Variants in SLC9A4 observed in about 807,000 individuals in gnomAD.
The protein encoded by SLC9A4 is solute carrier family 9 member A4.
A neutral mutation model predicts 67.4 loss-of-function variants in SLC9A4; 63 were observed. That is an observed-to-expected ratio of 0.93 (90% CI 0.76 to 1.15). The LOEUF (loss-of-function observed/expected upper bound fraction) is 1.15, where lower values mean the gene tolerates loss of function less well. Among genes scored for constraint, SLC9A4 ranks in the 50% most tolerant of loss-of-function variants. The pLI, the probability that SLC9A4 is intolerant of heterozygous loss-of-function variation, is 0.00. For synonymous variants in SLC9A4, 393 were observed against 367.2 expected (o/e 1.07, Z -0.80); for missense variants, 1,089 against 987.7 (o/e 1.10, Z -1.38).
intron 6 of SLC9A4, 71 bp from the exon 7 acceptor site, chr2:102,512,132 T>A: frequency 6.5e-7 from 1 of 1,547,140 alleles, no homozygotes; most frequent in Non-Finnish European, 8.9e-7. Flanking sequence ...TTTTAAAGTG[T>A]CTTAGTTGTC....
chr2:102,515,810 C>G (rs2192758), intron 8 of SLC9A4, among the ~76,000 whole-genome samples: 120,941 of 152,038 alleles, frequency 0.8, 48,613 homozygotes, highest in African/African-American at 0.89. Flanking sequence ...TATGTGCCAG[C>G]CACCTTGAAG....
At chr2:102,481,120 C>T (rs774888046) in intron 2 of SLC9A4, among the ~76,000 whole-genome samples, 5 of 152,034 alleles carry the variant, frequency 3.3e-5, no homozygotes, top group Non-Finnish European at 5.9e-5. Flanking sequence ...CAGGGATCGG[C>T]GTGGGGAGGG....
intron 6 of SLC9A4, among the ~76,000 whole-genome samples, chr2:102,510,054 T>C (rs898647588): frequency 6.6e-6 from 1 of 152,128 alleles, no homozygotes; most frequent in Non-Finnish European, 1.5e-5. Flanking sequence ...CTGAGTAATT[T>C]TATCAGTCTA....
Position 102,512,238 on chromosome 2 carries a change from G to C in SLC9A4, c.1524G>C (p.Val508=). ...MDHLKAGIED[V]CGHWSHYQVR... ...ACTTAAAGGCTGGAATCGAAGATGTGTGTGGGCACTGGAGTCACTACCAAG... is the reference window on the plus strand; with the variant it reads ...ACTTAAAGGCTGGAATCGAAGATGTCTGTGGGCACTGGAGTCACTACCAAG... The change falls in exon 7 of 12, where the codon GTG becomes GTC. Residue 508 remains valine (V), a synonymous_variant. Coordinates refer to ENST00000295269, the MANE Select transcript of SLC9A4 (RefSeq NM_001011552.4). 1 of 1,614,092 alleles carries C rather than the reference G, an allele frequency of 6.2e-7. No individual in the cohort carries two copies. Among genetic ancestry groups the C allele is most frequent in the Admixed American group, 1.7e-5 (1 of 60,016 alleles).
At chr2:102,506,945 C>T (rs1471835807) in intron 4 of SLC9A4, among the ~76,000 whole-genome samples, 2 of 152,144 alleles carry the variant, frequency 1.3e-5, no homozygotes, top group Admixed American at 6.5e-5. Flanking sequence ...TCCGGTTCTC[C>T]CGCTCATAGC....
At chr2:102,486,845 C>T (rs1363927620) in intron 2 of SLC9A4, among the ~76,000 whole-genome samples, 1 of 152,210 alleles carries the variant, frequency 6.6e-6, no homozygotes, top group Admixed American at 6.5e-5. Flanking sequence ...GATAGGTCCA[C>T]ACAAGAACAA....
rs1685363407 is a variant in SLC9A4 at position 102,519,882 on chromosome 2, A to G, written c.1745A>G (p.Lys582Arg). ...AGGGCCCAGAGGATACAAGGAATCAAAAGACTTTCCCCTGAAGATGTGGAG... is the reference window on the plus strand; with the variant it reads ...AGGGCCCAGAGGATACAAGGAATCAGAAGACTTTCCCCTGAAGATGTGGAG... ...PHQAQRIQGI[K>R]RLSPEDVESI... Residue 582 changes from lysine to arginine, a missense_variant, in exon 9 of 12, where the codon AAA (lysine) becomes AGA (arginine). By Grantham distance (26) the Lys-to-Arg change is conservative (BLOSUM62 2). Coordinates refer to ENST00000295269, the MANE Select transcript of SLC9A4 (RefSeq NM_001011552.4). The G allele has an allele frequency of 1.2e-6, 2 of 1,613,716 alleles. No individual in the cohort carries two copies. The highest frequency in any genetic ancestry group is 1.7e-5 in the Admixed American group (1 of 59,994).
At chr2:102,502,915 C>G (rs760834818) in intron 2 of SLC9A4, among the ~76,000 whole-genome samples, 1 of 152,202 alleles carries the variant, frequency 6.6e-6, no homozygotes, top group Non-Finnish European at 1.5e-5. Flanking sequence ...AGGCCAAAGC[C>G]GCAGGGTTGC....
At chr2:102,500,395 T>G (rs1286164380) in intron 2 of SLC9A4, among the ~76,000 whole-genome samples, 1 of 152,192 alleles carries the variant, frequency 6.6e-6, no homozygotes, top group African/African-American at 2.4e-5. Context: ...TTTTTGTTAA[T>G]TTGAGCCACC....
chr2:102,505,331 A>C lies in SLC9A4; in HGVS notation c.1058A>C (p.Tyr353Ser). 6.2e-7 allele frequency: 1 copy of C among 1,614,230 alleles called. No homozygotes were observed. Among genetic ancestry groups the C allele is most frequent in the East Asian group, 2.2e-5 (1 of 44,888 alleles). The stretch of plus-strand genomic sequence containing the variant: ...CAGACATCATACACGACCATCAAGT[A>C]CTTCATGAAGATGCTGAGCAGCGTC... ...VSQTSYTTIK[Y>S]FMKMLSSVSE... is the part of the protein sequence containing the mutation. The change falls in exon 4 of 12, where the codon TAC becomes TCC. Residue 353 changes from tyrosine (Y) to serine (S), a missense_variant. Physicochemically the swap from Tyr to Ser is moderately radical, Grantham distance 144. Coordinates refer to ENST00000295269, the MANE Select transcript of SLC9A4 (RefSeq NM_001011552.4).
intron 2 of SLC9A4, among the ~76,000 whole-genome samples, chr2:102,492,828 G>C (rs753936875): frequency 9.2e-5 from 14 of 152,148 alleles, no homozygotes; most frequent in South Asian, 2.1e-4. Context: ...TCATAGTCAG[G>C]CTGCAAATTT....
At chr2:102,511,680 C>T (rs949105803) in intron 6 of SLC9A4, among the ~76,000 whole-genome samples, 4 of 151,930 alleles carry the variant, frequency 2.6e-5, no homozygotes, top group Non-Finnish European at 4.4e-5. Context: ...TATGTAATTA[C>T]TCAGATCAAA....
intron 2 of SLC9A4, among the ~76,000 whole-genome samples, chr2:102,480,295 A>G (rs1198802254): frequency 6.6e-6 from 1 of 151,470 alleles, no homozygotes; most frequent in African/African-American, 2.4e-5. Context: ...TGTGATCTGT[A>G]TTTTTTAATA....
intron 9 of SLC9A4, 68 bp from the exon 10 acceptor site, chr2:102,524,956 C>T (rs1674627725): frequency 6.3e-7 from 1 of 1,590,402 alleles, no homozygotes; most frequent in South Asian, 1.1e-5. Context: ...CTGATGTTTC[C>T]ATGGCTTCCT....
chr2:102,523,852 A>C (rs1356960932), intron 9 of SLC9A4, among the ~76,000 whole-genome samples: 1 of 152,178 alleles, frequency 6.6e-6, no homozygotes, highest in African/African-American at 2.4e-5. Context: ...GTCTTAGCTC[A>C]TGTGTTTTCT....
Position 102,512,346 on chromosome 2 carries a change from G to A in SLC9A4, c.1559+73G>A, listed in dbSNP as rs1313368397. On this transcript the variant is annotated intron_variant, in intron 7 of 11. Transcript: ENST00000295269. ...ATTGGAAGCTGGGCATAAAATCAGAGAGAATTCAGGGAATGGAGACCAAGA... is the reference window on the plus strand; with the variant it reads ...ATTGGAAGCTGGGCATAAAATCAGAAAGAATTCAGGGAATGGAGACCAAGA... 6.5e-6 allele frequency: 10 copies of A among 1,532,872 alleles called. No individual in the cohort carries two copies. In the East Asian group the frequency reaches 2.3e-4, roughly 35 times the overall value. 95.0% of individuals were successfully genotyped at this position (1,532,872 alleles called of 1,614,324 possible). A position where few individuals can be genotyped will look rare whatever the true frequency, so the allele number is the denominator to read the frequency against.
chr2:102,503,503 A>C lies in SLC9A4; in HGVS notation c.776A>C (p.Glu259Ala). Residue 259 changes from glutamate to alanine, a missense_variant, in exon 3 of 12, where the codon GAA (glutamate) becomes GCA (alanine). By Grantham distance (107) the Glu-to-Ala change is moderately radical. Transcript: ENST00000295269. ...FTKMHKFEDI[E>A]TVDILAGCAR... Reference sequence around the variant, plus strand: ...AAGATGCATAAATTTGAAGACATAGAAACTGTCGACATTTTGGCTGGATGT... The same window carrying C: ...AAGATGCATAAATTTGAAGACATAGCAACTGTCGACATTTTGGCTGGATGT... The C allele has an allele frequency of 6.2e-7, 1 of 1,614,168 alleles. No individual in the cohort carries two copies. The highest frequency in any genetic ancestry group is 8.5e-7 in the Non-Finnish European group (1 of 1,179,996).
Position 102,529,403 on chromosome 2 carries a change from T to C in SLC9A4, c.2039-2927T>C, listed in dbSNP as rs1392392839. Among the ~76,000 whole-genome samples the C allele has an allele frequency of 5.3e-5, 8 of 152,346 alleles. No homozygotes were observed. The East Asian group carries it at 1.2e-3, about 22-fold the overall frequency. On this transcript the variant is annotated intron_variant, in intron 11 of 11. Transcript: ENST00000295269. ...GTGCTCTGCAATATGTTATGGGTCA[T>C]ATGTCTGCAGGATTTTAAATACTTG...
intron 9 of SLC9A4, among the ~76,000 whole-genome samples, chr2:102,521,059 A>G (rs1238088945): frequency 6.6e-6 from 1 of 152,242 alleles, no homozygotes; most frequent in Admixed American, 6.5e-5. Flanking sequence ...CTGTTTCAGT[A>G]AGACTATCAC....
Sources: gnomAD v4.1 joint callset for allele counts (sites outside exome capture counted in the v4.1 genomes callset) on GRCh38, gnomAD v4.1.1 for gene constraint, MANE v1.5 for transcripts, NCBI Gene and HGNC (gene_info 2026-07-23, HGNC 2026-07-21) for gene names.